DAB1: variants seen among roughly 807,000 people sequenced by gnomAD.
The protein encoded by DAB1 is DAB adaptor protein 1.
DAB1 carries 15 observed loss-of-function variants against 64.6 expected under a neutral mutation model. The observed-to-expected ratio is 0.23, with a 90% CI of 0.16 to 0.36. The LOEUF (loss-of-function observed/expected upper bound fraction) is 0.36, where lower values mean the gene tolerates loss of function less well. DAB1 is among the 10% of genes least tolerant of loss of function. DAB1 has a pLI of 1.00. For synonymous variants in DAB1, 235 were observed against 251.9 expected, an observed-to-expected ratio of 0.93 and a Z score of 0.64; for missense variants, 596 against 706.7, an observed-to-expected ratio of 0.84 and a Z score of 1.78.
intron 5 of DAB1, among the ~76,000 whole-genome samples, chr1:57,956,848 G>A (rs1645404534): frequency 6.6e-6 from 1 of 152,182 alleles, no homozygotes; most frequent in Non-Finnish European, 1.5e-5. Context: ...GACCATCTTG[G>A]AAAGACTTTG....
At chr1:57,273,805 C>T (rs1328943687) in intron 2 of DAB1, among the ~76,000 whole-genome samples, 2 of 152,026 alleles carry the variant, frequency 1.3e-5, no homozygotes, top group African/African-American at 4.8e-5. Context: ...CCCTTGACTG[C>T]TCCATCTACT....
intron 7 of DAB1, among the ~76,000 whole-genome samples, chr1:57,560,218 C>A (rs1427824094): frequency 6.6e-6 from 1 of 152,236 alleles, no homozygotes; most frequent in African/African-American, 2.4e-5. Flanking sequence ...TATATCAGTT[C>A]TCCGGCTTTG....
intron 4 of DAB1, among the ~76,000 whole-genome samples, chr1:58,313,770 T>G (rs1924565): frequency 0.76 from 115,076 of 151,228 alleles, 44,632 homozygotes; most frequent in African/African-American, 0.91. Flanking sequence ...GGTTCCTGGT[T>G]AGGGCCCTCT....
At chr1:58,079,515 C>CTT (rs66960756) in intron 5 of DAB1, among the ~76,000 whole-genome samples, 836 of 67,794 alleles carry the variant, frequency 0.012, 15 homozygotes, top group East Asian at 0.021. Context: ...AGCATACCAT[C>CTT]TTTTTTTTTT....
At chr1:57,992,839 C>G (rs186273292) in intron 5 of DAB1, among the ~76,000 whole-genome samples, 1 of 152,004 alleles carries the variant, frequency 6.6e-6, no homozygotes, top group East Asian at 1.9e-4. Flanking sequence ...CTACCATGAA[C>G]CTCTCAGTGG....
chr1:58,489,509 T>A (rs1645638550), intron 3 of DAB1, among the ~76,000 whole-genome samples: 1 of 152,086 alleles, frequency 6.6e-6, no homozygotes, highest in Non-Finnish European at 1.5e-5. Context: ...AGACTCCACC[T>A]CTGGGGGCAG....
At chr1:58,003,168 T>A (rs778321985) in intron 5 of DAB1, among the ~76,000 whole-genome samples, 2 of 152,192 alleles carry the variant, frequency 1.3e-5, no homozygotes, top group Non-Finnish European at 2.9e-5. Context: ...TGTAAGGATT[T>A]GATGAAATCA....
At chr1:57,039,388 A>AATTATT (rs1647424400) in intron 9 of DAB1, among the ~76,000 whole-genome samples, 2 of 152,124 alleles carry the variant, frequency 1.3e-5, no homozygotes, top group Non-Finnish European at 2.9e-5. Flanking sequence ...ATAGTCATGG[A>AATTATT]ATTATTTGCT....
At chr1:57,696,076 T>C (rs1274366980) in intron 6 of DAB1, among the ~76,000 whole-genome samples, 2 of 152,196 alleles carry the variant, frequency 1.3e-5, no homozygotes, top group African/African-American at 4.8e-5. Context: ...AGAAGTCTTT[T>C]TTTCCTCCTC....
At chr1:57,722,335 A>C (rs1374786466) in intron 6 of DAB1, among the ~76,000 whole-genome samples, 2 of 152,180 alleles carry the variant, frequency 1.3e-5, no homozygotes, top group Non-Finnish European at 2.9e-5. Flanking sequence ...CAGTCATAAG[A>C]ATAAAAAAAC....
chr1:58,031,097 T>C (rs1646963303), intron 5 of DAB1, among the ~76,000 whole-genome samples: 1 of 151,924 alleles, frequency 6.6e-6, no homozygotes, highest in South Asian at 2.1e-4. Flanking sequence ...TGGGCATGAG[T>C]GAACAAAGTG....
At chr1:57,851,658 A>C (rs185874870) in intron 1 of DAB1, among the ~76,000 whole-genome samples, 1 of 152,330 alleles carries the variant, frequency 6.6e-6, no homozygotes, top group East Asian at 1.9e-4. Flanking sequence ...TTTTGCCTGC[A>C]AAACATAGAT....
At chr1:57,346,245 G>A (rs751287604) in intron 1 of DAB1, among the ~76,000 whole-genome samples, 15 of 152,174 alleles carry the variant, frequency 9.9e-5, no homozygotes, top group Non-Finnish European at 1.8e-4. Context: ...GTGAGAAGAC[G>A]GAGGAGGATC....
At chr1:57,819,297 G>C (rs1009480786) in intron 6 of DAB1, among the ~76,000 whole-genome samples, 4 of 152,190 alleles carry the variant, frequency 2.6e-5, no homozygotes, top group Middle Eastern at 3.2e-3. Context: ...TCCAGACAGG[G>C]GTAGAAACAT....
intron 1 of DAB1, among the ~76,000 whole-genome samples, chr1:57,868,304 T>TA (rs143286558): frequency 0.038 from 5,819 of 152,246 alleles, 411 homozygotes; most frequent in African/African-American, 0.13. Context: ...CAGGGTGTTC[T>TA]AGGCCTGTAA....
intron 2 of DAB1, among the ~76,000 whole-genome samples, chr1:57,235,017 G>A (rs914553086): frequency 1.3e-5 from 2 of 152,198 alleles, no homozygotes; most frequent in Admixed American, 6.5e-5. Context: ...AGACCACCTG[G>A]ATAGTCTCCC....
chr1:57,547,618 T>C (rs1644870175), intron 7 of DAB1, among the ~76,000 whole-genome samples: 8 of 152,190 alleles, frequency 5.3e-5, no homozygotes, highest in Admixed American at 5.2e-4. Context: ...ACTGAAACTA[T>C]TGTGAACGTA....
intron 3 of DAB1, among the ~76,000 whole-genome samples, chr1:58,414,765 A>C (rs1421933421): frequency 6.6e-6 from 1 of 152,158 alleles, no homozygotes; most frequent in East Asian, 1.9e-4. Flanking sequence ...CAGCAAGTAG[A>C]AAGCAAAAAA....
chr1:58,074,004 T>C (rs940396746), intron 5 of DAB1, among the ~76,000 whole-genome samples: 2 of 152,196 alleles, frequency 1.3e-5, no homozygotes, highest in Middle Eastern at 3.2e-3. Flanking sequence ...AACATATCCA[T>C]GTGATATTGA....
Sources: gnomAD v4.1 joint callset for allele counts (sites outside exome capture counted in the v4.1 genomes callset) on GRCh38, gnomAD v4.1.1 for gene constraint, MANE v1.5 for transcripts, NCBI Gene and HGNC (gene_info 2026-07-23, HGNC 2026-07-21) for gene names.